The following TOP1MT variants were observed in gnomAD, a reference collection of about 807,000 sequenced individuals.
The protein encoded by TOP1MT is DNA topoisomerase I, mitochondrial.
TOP1MT carries 80 observed loss-of-function variants against 73.9 expected under a neutral mutation model. The observed-to-expected ratio is 1.08, with a 90% confidence interval of 0.90 to 1.30. The LOEUF is 1.30. TOP1MT is among the 50% of genes most tolerant of loss of function. The pLI, the probability that TOP1MT is intolerant of heterozygous loss-of-function variation, is 0.00. For synonymous variants in TOP1MT, 338 were observed against 326.4 expected (o/e 1.04, Z -0.38); for missense variants, 815 against 808.0 (o/e 1.01, Z -0.10).
chr8:143,315,357 T>TTC (rs1425939401), intron 12 of TOP1MT, among the ~76,000 whole-genome samples: 4 of 151,788 alleles, frequency 2.6e-5, no homozygotes, highest in African/African-American at 7.2e-5. Context: ...GCGTAAACTG[T>TTC]TCTCTCTCTC....
rs571763036 is a variant in TOP1MT at position 143,333,063 on chromosome 8, G to A, written c.122+1677C>T. ...GGCTGCACCACTAAGTGCCCTGAAGGATGCAAACCTAGACAACGCCTTCTT... is the reference window on the plus strand; with the variant it reads ...GGCTGCACCACTAAGTGCCCTGAAGAATGCAAACCTAGACAACGCCTTCTT... On this transcript the variant is annotated intron_variant, in intron 1 of 13. Transcript: ENST00000329245. Among the ~76,000 whole-genome samples the A allele has an allele frequency of 2.0e-5, 3 of 152,310 alleles. No homozygotes were observed. The South Asian group carries it at 6.2e-4, about 32-fold the overall frequency.
intron 1 of TOP1MT, among the ~76,000 whole-genome samples, chr8:143,354,619 G>A (rs986392610): frequency 6.6e-6 from 1 of 152,130 alleles, no homozygotes; most frequent in Non-Finnish European, 1.5e-5. Context: ...GGCTGAGGCA[G>A]GAGAATCGCT....
At chr8:143,332,772 C>G (rs1319769484) in intron 1 of TOP1MT, 2 of 363,296 alleles carry the variant, frequency 5.5e-6, no homozygotes, top group Non-Finnish European at 1.1e-5. Context: ...GTGGCTCACG[C>G]CTGTGATCCC....
chr8:143,311,377 T>C (rs1324450926), intron 12 of TOP1MT, among the ~76,000 whole-genome samples: 2 of 152,070 alleles, frequency 1.3e-5, no homozygotes, highest in South Asian at 4.1e-4. Flanking sequence ...TGACATTTCC[T>C]TCGCACACGC....
Position 143,309,885 on chromosome 8 carries a change from C to T in TOP1MT, c.1703+183G>A, listed in dbSNP as rs757117682. 1.9e-5 allele frequency: 29 copies of T among 1,555,590 alleles called. No individual in the cohort carries two copies. In the Middle Eastern group the frequency reaches 1.0e-3, roughly 54 times the overall value. On this transcript the variant is annotated intron_variant, in intron 13 of 13. Transcript: ENST00000329245. ...CCCCACTTCACCCTGTCCATCCGAA[C>T]GTTCAGGGCAGGGAGAGCTGATGAC...
At chr8:143,342,292 G>GCT (rs1394596579) in intron 2 of TOP1MT, among the ~76,000 whole-genome samples, 9 of 126,774 alleles carry the variant, frequency 7.1e-5, no homozygotes, top group African/African-American at 2.5e-4. Context: ...ACAGAGTCTC[G>GCT]CTGTTATTAT....
At chr8:143,317,197 C>G (rs1309624461) in intron 10 of TOP1MT, among the ~76,000 whole-genome samples, 2 of 152,198 alleles carry the variant, frequency 1.3e-5, no homozygotes, top group Non-Finnish European at 2.9e-5. Flanking sequence ...CAGAGCAGCC[C>G]GGACATCACG....
At chr8:143,338,306 G>A (rs748916853), upstream of TOP1MT, among the ~76,000 whole-genome samples, 13 of 152,004 alleles carry the variant, frequency 8.6e-5, no homozygotes, top group East Asian at 1.9e-4. Flanking sequence ...GGTGGCTCAC[G>A]CCTGTAATCT....
At chr8:143,346,875 G>A (rs1817229796), upstream of TOP1MT, among the ~76,000 whole-genome samples, 1 of 152,084 alleles carries the variant, frequency 6.6e-6, no homozygotes, top group Non-Finnish European at 1.5e-5. Context: ...AACTCCCATG[G>A]TAAGAAATCT....
At chr8:143,325,806 T>C (rs1816691666) in intron 4 of TOP1MT, among the ~76,000 whole-genome samples, 1 of 151,892 alleles carries the variant, frequency 6.6e-6, no homozygotes, top group Non-Finnish European at 1.5e-5. Flanking sequence ...TAAAGCCAGG[T>C]GGAGGGAGCG....
upstream of TOP1MT, chr8:143,359,420 G>C: frequency 5.1e-6 from 5 of 985,452 alleles, no homozygotes; most frequent in South Asian, 2.3e-4. Flanking sequence ...GCAGAAGACA[G>C]AGCGGAATCC....
At chr8:143,315,043 G>C (rs1316490276) in intron 12 of TOP1MT, among the ~76,000 whole-genome samples, 1 of 152,114 alleles carries the variant, frequency 6.6e-6, no homozygotes, top group Non-Finnish European at 1.5e-5. Flanking sequence ...GCCAACCATG[G>C]TCTAGCGGTA....
intron 4 of TOP1MT, 127 bp downstream of exon 4, chr8:143,326,095 C>A: frequency 8.9e-7 from 1 of 1,124,124 alleles, no homozygotes; most frequent in Non-Finnish European, 1.2e-6. Context: ...CTAAGGCTGA[C>A]GAGAAAAGAG....
At chr8:143,345,578 G>C (rs11985803), upstream of TOP1MT, among the ~76,000 whole-genome samples, 144 of 152,358 alleles carry the variant, frequency 9.5e-4, no homozygotes, top group Middle Eastern at 3.4e-3. Context: ...CACTTCAGCA[G>C]AGAGTTTTTC....
intron 1 of TOP1MT, among the ~76,000 whole-genome samples, 182 bp downstream of exon 1, chr8:143,334,558 G>A (rs922256807): frequency 3.3e-5 from 5 of 152,226 alleles, no homozygotes; most frequent in Admixed American, 1.3e-4. Context: ...TCATGGGGGG[G>A]CCTGTACACC....
At chr8:143,320,146 G>A (rs560268632) in intron 8 of TOP1MT, among the ~76,000 whole-genome samples, 2 of 151,854 alleles carry the variant, frequency 1.3e-5, no homozygotes, top group South Asian at 2.1e-4. Context: ...AAAATTTAAA[G>A]AAGACAGGGT....
At chr8:143,316,695 C>T (rs1232104010) in intron 10 of TOP1MT, among the ~76,000 whole-genome samples, 3 of 152,178 alleles carry the variant, frequency 2.0e-5, no homozygotes, top group Admixed American at 1.3e-4. Flanking sequence ...CAAGGTACCA[C>T]GTTGTCTCCA....
chr8:143,350,956 C>T (rs955521309), intron 1 of TOP1MT, among the ~76,000 whole-genome samples: 4 of 152,148 alleles, frequency 2.6e-5, no homozygotes, highest in African/African-American at 4.8e-5. Flanking sequence ...TGGCTTAGTC[C>T]TTGACCTACT....
chr8:143,324,660 T>TG (rs767613648), intron 5 of TOP1MT, 31 bp from the exon 6 acceptor site: 1 of 1,607,930 alleles, frequency 6.2e-7, no homozygotes, highest in African/African-American at 1.3e-5. Context: ...AAACATAACT[T>TG]GGAGACCTTA....
Sources: gnomAD v4.1 joint callset for allele counts (sites outside exome capture counted in the v4.1 genomes callset) on GRCh38, gnomAD v4.1.1 for gene constraint, MANE v1.5 for transcripts, NCBI Gene and HGNC (gene_info 2026-07-23, HGNC 2026-07-21) for gene names.